MDM1: variants seen among roughly 807,000 people sequenced by gnomAD.
The protein encoded by MDM1 is Mdm1 nuclear protein.
Under a neutral mutation model 89.1 loss-of-function variants are expected in MDM1, and 61 were observed. The observed-to-expected ratio is 0.68, with a 90% CI of 0.56 to 0.85. MDM1 has a LOEUF of 0.85. MDM1 is among the 40% of genes least tolerant of loss of function. The pLI is 0.00. For synonymous variants in MDM1, 290 were observed against 294.1 expected (o/e 0.99, Z 0.14); for missense variants, 820 against 846.5 (o/e 0.97, Z 0.39).
chr12:68,331,269 G>T, intron 1 of MDM1, 48 bp from the exon 2 acceptor site: 1 of 1,031,322 alleles, frequency 9.7e-7, no homozygotes, highest in Non-Finnish European at 1.5e-6. Flanking sequence ...AATGAATGAT[G>T]TTTTAAAGCA....
At chr12:68,313,970 A>G (rs1354878954) in intron 10 of MDM1, among the ~76,000 whole-genome samples, 2 of 152,182 alleles carry the variant, frequency 1.3e-5, no homozygotes, top group South Asian at 4.1e-4. Flanking sequence ...CATCTCTACT[A>G]AAAACACAAA....
At position 68,315,282 on chromosome 12, in the gene MDM1, A is replaced by G. The variant is rs1445668723; in HGVS notation, c.1212-17T>C. 6.3e-7 allele frequency: 1 copy of G among 1,591,814 alleles called. No individual in the cohort carries two copies. Among genetic ancestry groups the G allele is most frequent in the African/African-American group, 1.4e-5 (1 of 73,632 alleles). On this transcript the variant is annotated splice_polypyrimidine_tract_variant and intron_variant, in intron 9 of 14. Coordinates refer to ENST00000682720, the MANE Select transcript of MDM1 (RefSeq NM_001354969.2). ...GTAGGATCTCTGCGTAACAAAATCA[A>G]TTTTATTTTAAATGTGAATAGTTTG...
chr12:68,297,063 A>ATAT, intron 13 of MDM1, 81 bp from the exon 14 acceptor site: 2 of 926,134 alleles, frequency 2.2e-6, no homozygotes, highest in Non-Finnish European at 3.1e-6. Flanking sequence ...AACTGTTAGT[A>ATAT]AAAGTAGGCT....
chr12:68,302,278 T>C (rs1193750130), intron 13 of MDM1, among the ~76,000 whole-genome samples: 1 of 152,004 alleles, frequency 6.6e-6, no homozygotes, highest in Non-Finnish European at 1.5e-5. Flanking sequence ...CATTTCTGAC[T>C]GTGAATTCTA....
intron 13 of MDM1, among the ~76,000 whole-genome samples, chr12:68,297,470 G>A (rs953966599): frequency 3.9e-5 from 6 of 152,246 alleles, no homozygotes; most frequent in African/African-American, 1.4e-4. Context: ...GCCAGCAGAA[G>A]AGTGAAACCA....
intron 3 of MDM1, chr12:68,326,254 A>G (rs2121143687): frequency 8.6e-7 from 1 of 1,165,160 alleles, no homozygotes; most frequent in Non-Finnish European, 1.1e-6. Flanking sequence ...CATCAATTGA[A>G]TTTCTGTTTG....
At position 68,317,244 on chromosome 12, in the gene MDM1, C is replaced by T. The variant is rs867764769; in HGVS notation, c.1006-634G>A. Among the ~76,000 whole-genome samples the T allele has an allele frequency of 9.3e-4, 141 of 152,174 alleles. 2 individuals carry two copies. The highest frequency in any genetic ancestry group is 3.4e-3 in the Middle Eastern group (1 of 294). On this transcript the variant is annotated intron_variant, in intron 7 of 14. Coordinates refer to ENST00000682720, the MANE Select transcript of MDM1 (RefSeq NM_001354969.2). ...ACCTTTCACTTTATACATCATACTGCCACCTGCTGGCTTCTCCAAGTACAA... is the reference window on the plus strand; with the variant it reads ...ACCTTTCACTTTATACATCATACTGTCACCTGCTGGCTTCTCCAAGTACAA...
intron 7 of MDM1, among the ~76,000 whole-genome samples, chr12:68,316,942 C>T (rs1418707226): frequency 6.6e-6 from 1 of 152,166 alleles, no homozygotes; most frequent in East Asian, 1.9e-4. Context: ...ACAGCTACTA[C>T]TGCTACAGAA....
At chr12:68,304,069 A>G (rs954301553) in intron 12 of MDM1, among the ~76,000 whole-genome samples, 6 of 152,096 alleles carry the variant, frequency 3.9e-5, no homozygotes, top group Non-Finnish European at 5.9e-5. Flanking sequence ...CCATGATTGC[A>G]TCACTGCACT....
rs775013651 is a variant in MDM1, at chr12:68,315,036, C to G, written c.1441G>C (p.Asp481His). The change falls in exon 10 of 15, where the codon GAC (aspartate) becomes CAC (histidine). Residue 481 changes from aspartate to histidine, a missense_variant. Coordinates refer to ENST00000682720, the MANE Select transcript of MDM1 (RefSeq NM_001354969.2). ...AAAGCCTGCTTGCCCGTTTTCCTGT[C>G]CCCTTCCTCTTCATTGTCGTCCTCC... is the stretch of plus-strand genomic sequence containing the variant. ...EEEDDNEEEG[D>H]RKTGKQAFMG... 2 of 1,614,142 alleles carry G rather than the reference C, an allele frequency of 1.2e-6. No individual in the cohort carries two copies. Among genetic ancestry groups the G allele is most frequent in the Non-Finnish European group, 1.7e-6 (2 of 1,180,016 alleles).
chr12:68,306,395 A>T (rs1872893857), intron 12 of MDM1, among the ~76,000 whole-genome samples: 1 of 152,236 alleles, frequency 6.6e-6, no homozygotes, highest in Non-Finnish European at 1.5e-5. Context: ...AACAAATGTA[A>T]CAAAAACAAA....
Position 68,321,608 on chromosome 12 carries a change from A to G in MDM1, c.822T>C (p.Arg274=), listed in dbSNP as rs1301643170. The change falls in exon 6 of 15, where the codon CGT becomes CGC. Residue 274 remains arginine, a synonymous_variant. Coordinates refer to ENST00000682720, the MANE Select transcript of MDM1 (RefSeq NM_001354969.2). ...PERKSNKIDD[R]LKLEAEMELK... is the part of the protein sequence containing the mutation. ...ATTCCATCTCTGCTTCCAATTTTAA[A>G]CGATCGTCTATTTTATTACTCTGAA... is the stretch of plus-strand genomic sequence containing the variant. The G allele has an allele frequency of 1.4e-5, 23 of 1,611,036 alleles. No homozygotes were observed. Among genetic ancestry groups the G allele is most frequent in the Non-Finnish European group, 1.9e-5 (22 of 1,178,774 alleles).
chr12:68,315,258 T>C lies in MDM1; in HGVS notation c.1219A>G (p.Thr407Ala). The change falls in exon 10 of 15, where the codon ACA becomes GCA. Residue 407 changes from threonine (T) to alanine (A), a missense_variant. Physicochemically the swap from Thr to Ala is moderately conservative, Grantham distance 58. Transcript: ENST00000682720. The part of the protein sequence containing the change: ...IRALDLAGDP[T>A]SHKTLQKCPS... ...CATTTCTGCAAAGTCTTATGGCTTGTAGGATCTCTGCGTAACAAAATCAAT... is the reference window on the plus strand; with the variant it reads ...CATTTCTGCAAAGTCTTATGGCTTGCAGGATCTCTGCGTAACAAAATCAAT... The C allele has an allele frequency of 6.2e-7, 1 of 1,611,182 alleles. No homozygotes were observed. Among genetic ancestry groups the C allele is most frequent in the Middle Eastern group, 1.7e-4 (1 of 6,046 alleles).
At chr12:68,302,538 C>G in intron 13 of MDM1, 82 bp downstream of exon 13, 1 of 1,171,172 alleles carries the variant, frequency 8.5e-7, no homozygotes, top group Middle Eastern at 2.1e-4. Context: ...GATTTATTAA[C>G]ATAAAATGCA....
chr12:68,307,326 C>T (rs1357620498), intron 12 of MDM1, among the ~76,000 whole-genome samples: 3 of 152,148 alleles, frequency 2.0e-5, no homozygotes, highest in South Asian at 4.1e-4. Flanking sequence ...TGGACATAAA[C>T]GCTCTGAATC....
At chr12:68,317,259 TC>T (rs556752955) in intron 7 of MDM1, among the ~76,000 whole-genome samples, 105 of 152,262 alleles carry the variant, frequency 6.9e-4, no homozygotes, top group African/African-American at 2.5e-3. Flanking sequence ...TGCTGGCTTC[TC>T]CAAGTACAAT....
intron 2 of MDM1, chr12:68,327,507 T>C (rs1876182563): frequency 6.5e-7 from 1 of 1,535,584 alleles, no homozygotes; most frequent in African/African-American, 1.4e-5. Context: ...TCTGCCTTGA[T>C]TTCCTGAGAA....
intron 1 of MDM1, chr12:68,331,905 G>T (rs1229816025): frequency 1.1e-5 from 7 of 648,958 alleles, no homozygotes; most frequent in Non-Finnish European, 2.0e-5. Flanking sequence ...TGGGCCACAG[G>T]TGTCCCAATC....
At chr12:68,315,367 T>G in intron 9 of MDM1, 102 bp from the exon 10 acceptor site, 1 of 1,094,226 alleles carries the variant, frequency 9.1e-7, no homozygotes, top group Non-Finnish European at 1.3e-6. Context: ...TGTTCACAAC[T>G]ACATGTTTTC....
Sources: gnomAD v4.1 joint callset for allele counts (sites outside exome capture counted in the v4.1 genomes callset) on GRCh38, gnomAD v4.1.1 for gene constraint, MANE v1.5 for transcripts, NCBI Gene and HGNC (gene_info 2026-07-23, HGNC 2026-07-21) for gene names.